Variants in TLL1 observed in about 807,000 individuals in gnomAD.
TLL1 encodes the protein tolloid like 1.
Under a neutral mutation model 128.2 loss-of-function variants are expected in TLL1, and 49 were observed. The observed-to-expected ratio is 0.38, with a 90% CI of 0.30 to 0.48. TLL1 has a LOEUF of 0.48. TLL1 is among the 20% of genes least tolerant of loss of function. The pLI is 0.96. For missense variants in TLL1, 1,123 were observed against 1,242.0 expected (o/e 0.90, Z 1.44); for synonymous variants, 454 against 418.8 (o/e 1.08, Z -1.03).
intron 20 of TLL1, 113 bp downstream of exon 20, chr4:166,099,640 A>AG: frequency 1.4e-6 from 2 of 1,410,388 alleles, no homozygotes; most frequent in Non-Finnish European, 2.0e-6. Context: ...AAAAAAAAAA[A>AG]AAGGCTACAT....
chr4:165,915,938 A>T (rs1472126835), intron 1 of TLL1, among the ~76,000 whole-genome samples: 2 of 152,216 alleles, frequency 1.3e-5, no homozygotes, highest in Non-Finnish European at 2.9e-5. Context: ...AAAGATGACT[A>T]TCCAAAATGC....
At chr4:166,006,315 AC>A (rs1737423766) in intron 6 of TLL1, among the ~76,000 whole-genome samples, 1 of 151,722 alleles carries the variant, frequency 6.6e-6, no homozygotes, top group Admixed American at 6.6e-5. Flanking sequence ...TAATAAGTCT[AC>A]TTTTCTGTTA....
At chr4:165,878,184 C>T (rs1730805644) in intron 1 of TLL1, among the ~76,000 whole-genome samples, 2 of 152,092 alleles carry the variant, frequency 1.3e-5, no homozygotes, top group Non-Finnish European at 2.9e-5. Flanking sequence ...GCTGAACTGG[C>T]CATTTTCGAA....
intron 1 of TLL1, among the ~76,000 whole-genome samples, chr4:165,911,193 C>A (rs1651229669): frequency 6.6e-6 from 1 of 152,152 alleles, no homozygotes; most frequent in Admixed American, 6.5e-5. Flanking sequence ...CCCTCTCACA[C>A]CCACGTTCTT....
At chr4:166,064,355 T>C (rs1175356934) in intron 15 of TLL1, among the ~76,000 whole-genome samples, 1 of 152,070 alleles carries the variant, frequency 6.6e-6, no homozygotes, top group Non-Finnish European at 1.5e-5. Context: ...TATTAATTGA[T>C]AGATATTTGT....
intron 1 of TLL1, among the ~76,000 whole-genome samples, chr4:165,970,115 C>T (rs949783659): frequency 6.6e-6 from 1 of 151,976 alleles, no homozygotes; most frequent in African/African-American, 2.4e-5. Flanking sequence ...CTGTAGAAGA[C>T]CTCTTTTTTG....
intron 1 of TLL1, among the ~76,000 whole-genome samples, chr4:165,947,489 A>G (rs2110933704): frequency 6.6e-6 from 1 of 152,220 alleles, no homozygotes; most frequent in Admixed American, 6.5e-5. Context: ...AACAAAAAGG[A>G]GCAAAGACTT....
intron 1 of TLL1, among the ~76,000 whole-genome samples, chr4:165,909,813 A>C (rs775009277): frequency 6.6e-6 from 1 of 152,206 alleles, no homozygotes; most frequent in Admixed American, 6.5e-5. Context: ...GTGAGAAGTA[A>C]GTAACAGGGA....
chr4:165,903,468 A>G (rs534285534), intron 1 of TLL1, among the ~76,000 whole-genome samples: 8 of 133,902 alleles, frequency 6.0e-5, no homozygotes, highest in African/African-American at 2.3e-4. Context: ...GCTGGGGTGC[A>G]GTGGCACAAT....
intron 1 of TLL1, among the ~76,000 whole-genome samples, chr4:165,950,523 T>TA (rs1437060749): frequency 2.0e-5 from 3 of 152,156 alleles, no homozygotes; most frequent in South Asian, 2.1e-4. Flanking sequence ...ACATTGTTTG[T>TA]AAAAAATATC....
chr4:165,906,562 A>G (rs887316711), intron 1 of TLL1, among the ~76,000 whole-genome samples: 13 of 152,222 alleles, frequency 8.5e-5, no homozygotes, highest in Non-Finnish European at 1.9e-4. Flanking sequence ...TAAACAGTGA[A>G]ATTATAATAT....
intron 14 of TLL1, 108 bp from the exon 15 acceptor site, chr4:166,059,920 A>T: frequency 7.5e-7 from 1 of 1,326,220 alleles, no homozygotes; most frequent in South Asian, 1.2e-5. Context: ...AATCCAGAAG[A>T]TAGTTGAAAT....
chr4:166,061,630 A>G (rs913774806), intron 15 of TLL1, among the ~76,000 whole-genome samples: 4 of 152,068 alleles, frequency 2.6e-5, no homozygotes, highest in Non-Finnish European at 4.4e-5. Flanking sequence ...GCTTTTAGGT[A>G]AAAAAGAGGT....
In TLL1 at chr4:166,052,965, G is replaced by GTGTA; in HGVS notation, c.1525-2110_1525-2109insGTAT. Among the ~76,000 whole-genome samples the GTGTA allele has an allele frequency of 7.3e-3, 731 of 99,588 alleles. 86 individuals carry two copies. Among genetic ancestry groups the GTGTA allele is most frequent in the African/African-American group, 0.027 (694 of 26,166 alleles). The allele number at this position is 99,588 out of a possible 152,430, so 65.3% of individuals were successfully genotyped here. ...TAAAGACTGAGATAAGAGGTTATGTGTATATATATATATATATTTGGCCAA... is the reference window on the plus strand; with the variant it reads ...TAAAGACTGAGATAAGAGGTTATGTGTGTATATATATATATATATATTTGGCCAA... On this transcript the variant is annotated intron_variant, in intron 12 of 20. Coordinates refer to ENST00000061240, the MANE Select transcript of TLL1 (RefSeq NM_012464.5).
intron 1 of TLL1, among the ~76,000 whole-genome samples, chr4:165,920,252 T>C (rs1264814216): frequency 6.6e-6 from 1 of 152,190 alleles, no homozygotes; most frequent in Non-Finnish European, 1.5e-5. Flanking sequence ...AATTTAAAAA[T>C]TACTTGGACT....
At chr4:166,044,305 T>G in intron 12 of TLL1, 1 of 1,453,044 alleles carries the variant, frequency 6.9e-7, no homozygotes, top group Non-Finnish European at 9.3e-7. Flanking sequence ...TAATGAGCAC[T>G]ATGAACACTA....
intron 18 of TLL1, 22 bp downstream of exon 18, chr4:166,078,052 C>G: frequency 1.2e-6 from 2 of 1,612,644 alleles, no homozygotes; most frequent in Non-Finnish European, 1.7e-6. Context: ...CATCCTTTTT[C>G]TTTCCATTAA....
chr4:166,091,082 G>A (rs756862043), intron 18 of TLL1, 46 bp from the exon 19 acceptor site: 112 of 1,440,692 alleles, frequency 7.8e-5, no homozygotes, highest in Non-Finnish European at 1.0e-4. Flanking sequence ...CTCATTTTGA[G>A]TGATTTGTTT....
At chr4:166,070,448 T>C (rs1488864291) in intron 16 of TLL1, among the ~76,000 whole-genome samples, 3 of 151,976 alleles carry the variant, frequency 2.0e-5, no homozygotes, top group African/African-American at 7.2e-5. Flanking sequence ...AGCATAGGCA[T>C]TCTGCCTTTT....
Sources: gnomAD v4.1 joint callset for allele counts (sites outside exome capture counted in the v4.1 genomes callset) on GRCh38, gnomAD v4.1.1 for gene constraint, MANE v1.5 for transcripts, NCBI Gene and HGNC (gene_info 2026-07-23, HGNC 2026-07-21) for gene names.